The following ADAMTSL3 variants were observed in gnomAD, a reference collection of about 807,000 sequenced individuals.
ADAMTSL3 encodes ADAMTS like 3.
ADAMTSL3 carries 128 observed loss-of-function variants against 201.7 expected under a neutral mutation model. The observed-to-expected ratio is 0.63, with a 90% CI of 0.55 to 0.73. The LOEUF (loss-of-function observed/expected upper bound fraction) is 0.73. Ranked by LOEUF, ADAMTSL3 falls within the 30% of genes least tolerant of loss-of-function variation. The probability of loss-of-function intolerance (pLI) is 0.00; values close to 1 mark genes in which losing one functional copy is unlikely to be tolerated. For synonymous variants in ADAMTSL3, 738 were observed against 748.4 expected, an observed-to-expected ratio of 0.99 and a Z score of 0.23; for missense variants, 1,990 against 2,119.6, an observed-to-expected ratio of 0.94 and a Z score of 1.20.
chr15:84,025,191 A>G (rs1274975665), intron 26 of ADAMTSL3, 47 bp from the exon 27 acceptor site: 2 of 1,495,942 alleles, frequency 1.3e-6, no homozygotes, highest in Non-Finnish European at 1.8e-6. Flanking sequence ...CCCCTCTAAG[A>G]TCTGGCATAC....
At chr15:83,872,627 C>CACACACACACACACACACACAGAGAG (rs6145659) in intron 9 of ADAMTSL3, among the ~76,000 whole-genome samples, 96 of 141,006 alleles carry the variant, frequency 6.8e-4, no homozygotes, top group African/African-American at 2.3e-3. Flanking sequence ...CACACACACA[C>CACACACACACACACACACACAGAGAG]AGAGTTTTTG....
intron 13 of ADAMTSL3, among the ~76,000 whole-genome samples, 195 bp downstream of exon 13, chr15:83,893,083 T>A (rs1161945133): frequency 6.6e-6 from 1 of 152,128 alleles, no homozygotes; most frequent in East Asian, 1.9e-4. Context: ...TAGGTAAGGA[T>A]AATTAATATT....
intron 6 of ADAMTSL3, among the ~76,000 whole-genome samples, chr15:83,837,415 A>G (rs986628930): frequency 5.5e-4 from 84 of 152,070 alleles, no homozygotes; most frequent in Non-Finnish European, 2.5e-4. Context: ...TGGGGAGGAA[A>G]TGAGAGAATA....
intron 19 of ADAMTSL3, chr15:83,961,894 G>A (rs1336163555): frequency 1.3e-5 from 2 of 152,124 alleles, no homozygotes; most frequent in Non-Finnish European, 1.5e-5. Context: ...CAGAAATCTT[G>A]ACATTATCTA....
chr15:83,864,851 A>T (rs1484444560), intron 8 of ADAMTSL3, among the ~76,000 whole-genome samples: 1 of 152,222 alleles, frequency 6.6e-6, no homozygotes, highest in Non-Finnish European at 1.5e-5. Flanking sequence ...ACATGATTGT[A>T]TATCTAGAAA....
intron 16 of ADAMTSL3, among the ~76,000 whole-genome samples, chr15:83,923,480 A>C (rs561127193): frequency 6.6e-6 from 1 of 152,186 alleles, no homozygotes; most frequent in African/African-American, 2.4e-5. Context: ...TGATATAGAG[A>C]AAGTGTTATT....
intron 20 of ADAMTSL3, among the ~76,000 whole-genome samples, chr15:83,975,211 C>T (rs1237192002): frequency 6.6e-6 from 1 of 151,868 alleles, no homozygotes; most frequent in African/African-American, 2.4e-5. Flanking sequence ...ACCATGTTAG[C>T]CAGGATGGTC....
chr15:83,984,032 TAA>T (rs1190156811), intron 21 of ADAMTSL3, among the ~76,000 whole-genome samples: 1 of 152,264 alleles, frequency 6.6e-6, no homozygotes, highest in African/African-American at 2.4e-5. Context: ...AACACAGTAT[TAA>T]GTCACATATT....
At chr15:83,961,295 G>A (rs1200754749) in intron 19 of ADAMTSL3, among the ~76,000 whole-genome samples, 1 of 152,222 alleles carries the variant, frequency 6.6e-6, no homozygotes, top group Non-Finnish European at 1.5e-5. Flanking sequence ...ATGTAAAATT[G>A]GTTTTTAGTG....
In ADAMTSL3 at chr15:83,836,411, A is replaced by G. The variant is rs553019938; in HGVS notation, c.601-1678A>G. On this transcript the variant is annotated intron_variant, in intron 6 of 29. Transcript: ENST00000286744. Reference sequence around the variant, plus strand: ...TATCTCTAATCATAAGCTATTCTCTAAACTTCCTTGAAACTTACTATCTCT... The same window carrying G: ...TATCTCTAATCATAAGCTATTCTCTGAACTTCCTTGAAACTTACTATCTCT... 2.6e-4 allele frequency among the ~76,000 whole-genome samples: 39 copies of G among 152,324 alleles called. 1 individual carries two copies. The South Asian group carries it at 7.9e-3, about 31-fold the overall frequency.
chr15:83,910,457 C>T (rs776979744), intron 15 of ADAMTSL3, among the ~76,000 whole-genome samples: 8 of 114,278 alleles, frequency 7.0e-5, no homozygotes, highest in Admixed American at 1.0e-4. Context: ...TTTTAGTTGC[C>T]GTGGGTTTTT....
At position 83,983,154 on chromosome 15, in the gene ADAMTSL3, G is replaced by C; in HGVS notation, c.3526G>C (p.Gly1176Arg). 1 of 1,613,468 alleles carries C rather than the reference G, an allele frequency of 6.2e-7. No homozygotes were observed. The highest frequency in any genetic ancestry group is 8.5e-7 in the Non-Finnish European group (1 of 1,179,864). ...NSGKLTFKPK[G>R]PVLMRQSQPP... ...AGGCAAGCTGACATTCAAGCCGAAAGGACCTGTTCTCATGAGGCAAAGCCA... is the reference window on the plus strand; with the variant it reads ...AGGCAAGCTGACATTCAAGCCGAAACGACCTGTTCTCATGAGGCAAAGCCA... The change falls in exon 21 of 30, where the codon GGA (glycine) becomes CGA (arginine). Residue 1176 changes from glycine to arginine, a missense_variant. Transcript: ENST00000286744.
intron 3 of ADAMTSL3, among the ~76,000 whole-genome samples, chr15:83,709,991 G>A (rs2061911370): frequency 6.6e-6 from 1 of 152,036 alleles, no homozygotes. Flanking sequence ...TTAATATAGG[G>A]TATTAAAATA....
chr15:83,856,560 T>C (rs2064738569), intron 7 of ADAMTSL3, among the ~76,000 whole-genome samples: 1 of 152,074 alleles, frequency 6.6e-6, no homozygotes, highest in Non-Finnish European at 1.5e-5. Context: ...TGATTTCCAG[T>C]AGGTAATTGT....
At chr15:83,660,658 A>G (rs1004156468) in intron 2 of ADAMTSL3, among the ~76,000 whole-genome samples, 1 of 152,190 alleles carries the variant, frequency 6.6e-6, no homozygotes, top group Non-Finnish European at 1.5e-5. Context: ...CCCATCCCCT[A>G]ATGGAATCTT....
intron 3 of ADAMTSL3, among the ~76,000 whole-genome samples, chr15:83,765,879 A>T (rs2062881692): frequency 6.6e-6 from 1 of 152,230 alleles, no homozygotes; most frequent in African/African-American, 2.4e-5. Flanking sequence ...TTAAAAAAAA[A>T]GAACTTTTAT....
chr15:83,972,391 C>T (rs1029942103), intron 20 of ADAMTSL3, among the ~76,000 whole-genome samples: 1 of 152,170 alleles, frequency 6.6e-6, no homozygotes, highest in Non-Finnish European at 1.5e-5. Flanking sequence ...ATGCTTCGTT[C>T]AAGTTGCCTC....
At chr15:84,017,285 T>A (rs941603064) in intron 25 of ADAMTSL3, among the ~76,000 whole-genome samples, 8 of 152,152 alleles carry the variant, frequency 5.3e-5, no homozygotes, top group Admixed American at 4.6e-4. Flanking sequence ...GCCCGGCTAA[T>A]TTTTTGTATT....
At chr15:83,995,847 G>A (rs1174783816) in intron 23 of ADAMTSL3, among the ~76,000 whole-genome samples, 1 of 152,164 alleles carries the variant, frequency 6.6e-6, no homozygotes, top group Non-Finnish European at 1.5e-5. Flanking sequence ...AACAAGGTGG[G>A]TGAGATTTGC....
Sources: gnomAD v4.1 joint callset for allele counts (sites outside exome capture counted in the v4.1 genomes callset) on GRCh38, gnomAD v4.1.1 for gene constraint, MANE v1.5 for transcripts, NCBI Gene and HGNC (gene_info 2026-07-23, HGNC 2026-07-21) for gene names.